Variants in SPATA13 observed in about 807,000 individuals in gnomAD.
The protein encoded by SPATA13 is spermatogenesis associated 13, also known as spermatogenesis-associated protein 13.
In SPATA13, 50 loss-of-function variants were observed where a neutral mutation model predicts 104.0. The ratio of observed to expected loss-of-function variants is 0.48; its 90% CI spans 0.38 to 0.61. The LOEUF (loss-of-function observed/expected upper bound fraction) is 0.61, where lower values mean the gene tolerates loss of function less well. Ranked by LOEUF, SPATA13 falls within the 20% of genes least tolerant of loss-of-function variation. The pLI is 0.00. For missense variants in SPATA13, 1,524 were observed against 1,690.6 expected, an observed-to-expected ratio of 0.90 and a Z score of 1.73; for synonymous variants, 606 against 667.5, an observed-to-expected ratio of 0.91 and a Z score of 1.42.
chr13:24,206,265 T>C (rs1184105030), intron 1 of SPATA13, among the ~76,000 whole-genome samples: 2 of 120,410 alleles, frequency 1.7e-5, no homozygotes, highest in Admixed American at 2.0e-4. Flanking sequence ...GAAAAGGATA[T>C]GAACAGACAC....
chr13:24,003,851 T>C (rs11840533), intron 2 of SPATA13, among the ~76,000 whole-genome samples: 380 of 152,248 alleles, frequency 2.5e-3, no homozygotes, highest in African/African-American at 8.8e-3. Context: ...ATTAGAGACG[T>C]GGGAAAAAAC....
intron 3 of SPATA13, among the ~76,000 whole-genome samples, chr13:24,092,126 C>T (rs1340418213): frequency 2.6e-5 from 4 of 152,148 alleles, no homozygotes; most frequent in Non-Finnish European, 5.9e-5. Context: ...TGCCAGTTTT[C>T]TCATTGCTTT....
intron 11 of SPATA13, among the ~76,000 whole-genome samples, chr13:24,299,056 A>G (rs1027633763): frequency 1.7e-4 from 26 of 152,218 alleles, no homozygotes; most frequent in African/African-American, 6.3e-4. Context: ...AATAGGGCTA[A>G]TCACTCGTGC....
At chr13:24,116,192 G>A (rs957455412) in intron 3 of SPATA13, among the ~76,000 whole-genome samples, 7 of 152,234 alleles carry the variant, frequency 4.6e-5, no homozygotes, top group African/African-American at 1.7e-4. Flanking sequence ...CAAGGTGGCA[G>A]CAGGTTCAGC....
intron 3 of SPATA13, among the ~76,000 whole-genome samples, chr13:24,153,916 C>G (rs1238684372): frequency 6.6e-6 from 1 of 152,072 alleles, no homozygotes; most frequent in African/African-American, 2.4e-5. Flanking sequence ...AAATATCCAC[C>G]CTTTATCAAA....
At chr13:24,038,138 C>T (rs1007559156) in intron 3 of SPATA13, among the ~76,000 whole-genome samples, 3 of 152,092 alleles carry the variant, frequency 2.0e-5, no homozygotes, top group Non-Finnish European at 4.4e-5. Flanking sequence ...TGGTCTCGAT[C>T]TCCTGACCTC....
intron 3 of SPATA13, among the ~76,000 whole-genome samples, chr13:24,030,047 AACACACACACACACACACGCACACACAC>A (rs1392840100): frequency 6.9e-6 from 1 of 144,350 alleles, no homozygotes; most frequent in Non-Finnish European, 1.5e-5. Flanking sequence ...ACCTTCTCCT[AACACACACACACACACACGCACACACAC>A]ACACACACAC....
rs139802348 is a variant in SPATA13 at position 24,178,569 on chromosome 13, G to C, written c.-112+17637G>C. ...GCTTACTCTGTGCCATGCATTGCTA[G>C]GAAGGTATTATTATCTGTATAAGAA... On this transcript the variant is annotated intron_variant, in intron 1 of 12. Transcript: ENST00000382108. 5.8e-4 allele frequency among the ~76,000 whole-genome samples: 88 copies of C among 152,224 alleles called. No individual in the cohort carries two copies. The South Asian group carries it at 7.2e-3, about 13-fold the overall frequency.
At chr13:24,255,810 G>T (rs1205033068) in intron 4 of SPATA13, among the ~76,000 whole-genome samples, 2 of 152,166 alleles carry the variant, frequency 1.3e-5, no homozygotes, top group Non-Finnish European at 2.9e-5. Flanking sequence ...TGCTAGAATG[G>T]CATCCAGCTC....
intron 4 of SPATA13, among the ~76,000 whole-genome samples, chr13:24,259,011 G>A (rs1873927958): frequency 6.6e-6 from 1 of 152,176 alleles, no homozygotes; most frequent in Admixed American, 6.5e-5. Flanking sequence ...ATCCATATGG[G>A]TAAGCTGTAG....
intron 3 of SPATA13, among the ~76,000 whole-genome samples, chr13:24,147,218 A>C (rs1018765675): frequency 6.6e-6 from 1 of 152,298 alleles, no homozygotes; most frequent in South Asian, 2.1e-4. Flanking sequence ...TGTGTGATGC[A>C]TGTCTCGTAC....
intron 2 of SPATA13, among the ~76,000 whole-genome samples, chr13:24,225,653 T>C (rs986280481): frequency 1.3e-5 from 2 of 152,240 alleles, no homozygotes; most frequent in Admixed American, 1.3e-4. Flanking sequence ...CACTGCTTCC[T>C]GTTGCATGTT....
intron 4 of SPATA13, among the ~76,000 whole-genome samples, chr13:24,254,958 A>T (rs1366128609): frequency 2.0e-5 from 3 of 152,112 alleles, no homozygotes; most frequent in Admixed American, 6.5e-5. Context: ...TTCATGTAGG[A>T]TGGACATCAT....
chr13:24,091,764 T>C (rs1879918606), intron 3 of SPATA13, among the ~76,000 whole-genome samples: 1 of 152,172 alleles, frequency 6.6e-6, no homozygotes, highest in African/African-American at 2.4e-5. Context: ...TGAGTGGAGA[T>C]CATGCCCTTG....
intron 3 of SPATA13, among the ~76,000 whole-genome samples, chr13:24,098,262 A>G (rs1473763741): frequency 3.9e-5 from 6 of 152,258 alleles, no homozygotes; most frequent in Admixed American, 3.9e-4. Flanking sequence ...AAGTAATTTC[A>G]GAAATGAAGA....
chr13:24,164,351 A>G (rs1016001298), intron 1 of SPATA13, among the ~76,000 whole-genome samples: 1 of 152,188 alleles, frequency 6.6e-6, no homozygotes, highest in Non-Finnish European at 1.5e-5. Context: ...TCCATGTTTA[A>G]TGCCTCTTTT....
At chr13:24,090,164 T>C (rs1879864927) in intron 3 of SPATA13, among the ~76,000 whole-genome samples, 1 of 152,114 alleles carries the variant, frequency 6.6e-6, no homozygotes, top group African/African-American at 2.4e-5. Context: ...CTGACATTGG[T>C]CAGATTTCCC....
At chr13:24,249,387 G>C (rs1268365243) in intron 2 of SPATA13, 90 bp from the exon 3 acceptor site, 14 of 1,416,964 alleles carry the variant, frequency 9.9e-6, no homozygotes, top group South Asian at 1.5e-5. Context: ...CCCGAGGCAC[G>C]GCTGTGGTGG....
chr13:24,105,112 CGTTTT>C (rs112455495), intron 3 of SPATA13, among the ~76,000 whole-genome samples: 21,960 of 151,576 alleles, frequency 0.14, 2,480 homozygotes, highest in African/African-American at 0.32. Context: ...TTCTTACAAT[CGTTTT>C]GTTTTGTTTT....
Sources: gnomAD v4.1 joint callset for allele counts (sites outside exome capture counted in the v4.1 genomes callset) on GRCh38, gnomAD v4.1.1 for gene constraint, MANE v1.5 for transcripts, NCBI Gene and HGNC (gene_info 2026-07-23, HGNC 2026-07-21) for gene names.